LCORL: variants seen among roughly 807,000 people sequenced by gnomAD.
The protein encoded by LCORL is ligand-dependent nuclear receptor corepressor-like protein.
LCORL carries 41 observed loss-of-function variants against 141.8 expected under a neutral mutation model. That is an observed-to-expected ratio of 0.29 (90% CI 0.23 to 0.38). The LOEUF (loss-of-function observed/expected upper bound fraction) is 0.38, where lower values mean the gene tolerates loss of function less well. Ranked by LOEUF, LCORL falls within the 10% of genes least tolerant of loss-of-function variation. The pLI is 1.00. For synonymous variants in LCORL, 618 were observed against 694.1 expected (o/e 0.89, Z 1.72); for missense variants, 1,759 against 2,035.0 (o/e 0.86, Z 2.61).
rs112331088 is a variant in LCORL, at chr4:17,943,956, T to C, written c.430+17947A>G. Among the ~76,000 whole-genome samples, 1,291 of 152,300 alleles carry C rather than the reference T, an allele frequency of 8.5e-3. 17 individuals carry two copies. Among genetic ancestry groups the C allele is most frequent in the African/African-American group, 0.029 (1,202 of 41,568 alleles). The stretch of plus-strand genomic sequence containing the variant: ...TTTTAGTGAAAGCCATGTCCTACCA[T>C]AGCTTAATGAAGCTACCCACCCTAG... On this transcript the variant is annotated intron_variant, in intron 4 of 7. Transcript: ENST00000635767.
intron 6 of LCORL, among the ~76,000 whole-genome samples, chr4:17,878,545 TGAA>T (rs1279736818): frequency 6.6e-6 from 1 of 151,450 alleles, no homozygotes; most frequent in Admixed American, 6.6e-5. Flanking sequence ...TAAATTTTTA[TGAA>T]GTAGCCATTT....
intron 5 of LCORL, among the ~76,000 whole-genome samples, chr4:17,901,623 G>GT (rs1463282331): frequency 6.6e-6 from 1 of 152,094 alleles, no homozygotes; most frequent in Non-Finnish European, 1.5e-5. Flanking sequence ...CAATATAGCT[G>GT]TAAGTGTCAG....
At chr4:17,976,281 T>G (rs1282968033) in intron 1 of LCORL, among the ~76,000 whole-genome samples, 1 of 152,186 alleles carries the variant, frequency 6.6e-6, no homozygotes, top group Non-Finnish European at 1.5e-5. Flanking sequence ...ATAGTTGGAT[T>G]TATATCTACC....
At chr4:17,948,111 A>T (rs1739166533) in intron 4 of LCORL, among the ~76,000 whole-genome samples, 1 of 152,008 alleles carries the variant, frequency 6.6e-6, no homozygotes, top group Admixed American at 6.6e-5. Context: ...GAAAGTGATA[A>T]ATATGTGGAG....
chr4:17,999,185 T>C (rs1721500345), intron 1 of LCORL, among the ~76,000 whole-genome samples: 1 of 630 alleles, frequency 1.6e-3, no homozygotes, highest in South Asian at 0.12. Flanking sequence ...ACCATTAGGA[T>C]GTCTAAGCCT....
chr4:17,864,076 T>C (rs1332873127), intron 7 of LCORL, among the ~76,000 whole-genome samples: 1 of 151,976 alleles, frequency 6.6e-6, no homozygotes, highest in Non-Finnish European at 1.5e-5. Context: ...GATGAAATAA[T>C]CTATACAACA....
At position 17,998,985 on chromosome 4, in the gene LCORL, A is replaced by AAATAT. The variant is rs1374815646; in HGVS notation, c.154+22612_154+22613insATATT. Among the ~76,000 whole-genome samples the AAATAT allele has an allele frequency of 4.6e-3, 268 of 57,898 alleles. 4 individuals carry two copies. The highest frequency in any genetic ancestry group is 6.6e-3 in the Non-Finnish European group (199 of 30,190). The allele number at this position is 57,898 out of a possible 152,430, so 38.0% of individuals were successfully genotyped here. A position where few individuals can be genotyped will look rare whatever the true frequency, so the allele number is the denominator to read the frequency against. ...GTCTCAAAAAAAAAAAAAAAAAAAA[A>AAATAT]ATATATATATATATATATACACACA... is the stretch of plus-strand genomic sequence containing the variant. On this transcript the variant is annotated intron_variant, in intron 1 of 7. Transcript: ENST00000635767.
At chr4:17,993,633 A>T (rs1033925896) in intron 1 of LCORL, among the ~76,000 whole-genome samples, 5 of 152,246 alleles carry the variant, frequency 3.3e-5, no homozygotes, top group Non-Finnish European at 7.3e-5. Context: ...GAGCCTAGTT[A>T]TGTTTTGCCA....
At chr4:17,847,515 A>G (rs1400391745) in intron 7 of LCORL, among the ~76,000 whole-genome samples, 1 of 152,254 alleles carries the variant, frequency 6.6e-6, no homozygotes, top group East Asian at 1.9e-4. Context: ...AATAGATACT[A>G]GACAAAATGA....
intron 4 of LCORL, among the ~76,000 whole-genome samples, chr4:17,942,879 G>GC (rs113155881): frequency 0.24 from 36,088 of 152,038 alleles, 5,466 homozygotes; most frequent in African/African-American, 0.43. Flanking sequence ...TACCGCCTGA[G>GC]TTTGCCTCCT....
At chr4:17,893,648 T>C (rs1490937766) in intron 5 of LCORL, 1 of 950,464 alleles carries the variant, frequency 1.1e-6, no homozygotes, top group Middle Eastern at 5.4e-4. Context: ...CTAGTTTTGC[T>C]ACAGTAGGTA....
intron 1 of LCORL, among the ~76,000 whole-genome samples, chr4:17,977,959 A>G (rs1344187075): frequency 1.3e-5 from 2 of 151,928 alleles, no homozygotes; most frequent in Non-Finnish European, 2.9e-5. Context: ...TTGTTTCTGT[A>G]TTGGTATCTA....
chr4:17,923,570 C>T (rs919273948), intron 4 of LCORL, among the ~76,000 whole-genome samples: 1 of 152,050 alleles, frequency 6.6e-6, no homozygotes, highest in African/African-American at 2.4e-5. Context: ...CGCTCGAACC[C>T]GGGAGGCGGA....
chr4:17,962,897 A>C, intron 3 of LCORL, 73 bp downstream of exon 3: 2 of 783,736 alleles, frequency 2.6e-6, no homozygotes, highest in Middle Eastern at 4.1e-4. Flanking sequence ...TTTCAAAACA[A>C]ATTAAGATAA....
At chr4:18,016,924 T>C (rs1724731753) in intron 1 of LCORL, among the ~76,000 whole-genome samples, 1 of 152,242 alleles carries the variant, frequency 6.6e-6, no homozygotes, top group Non-Finnish European at 1.5e-5. Context: ...AAATCAGGTT[T>C]AAAAACAGTC....
In LCORL at chr4:18,021,792, C is replaced by A. The variant is rs1340418665; in HGVS notation, c.-41G>T. 3 of 1,444,344 alleles carry A rather than the reference C, an allele frequency of 2.1e-6. No individual in the cohort carries two copies. The highest frequency in any genetic ancestry group is 3.0e-5 in the African/African-American group (2 of 66,976). The allele number at this position is 1,444,344 out of a possible 1,614,324, so 89.5% of individuals were successfully genotyped here. A position where few individuals can be genotyped will look rare whatever the true frequency, so the allele number is the denominator to read the frequency against. On this transcript the variant is annotated 5_prime_UTR_variant, in exon 1 of 8. Transcript: ENST00000635767. The surrounding 1 kb of genome is among the most constrained non-coding windows in gnomAD (Gnocchi z 5.5). ...CGCGCCCTCATTTACATACGAGCAG[C>A]GCAGGCACGAGGCAGGGGCGCGAGC...
chr4:17,908,800 T>G (rs933658944), intron 5 of LCORL, among the ~76,000 whole-genome samples: 1 of 152,158 alleles, frequency 6.6e-6, no homozygotes, highest in African/African-American at 2.4e-5. Context: ...AAATAATTAT[T>G]TCTTATAAAA....
intron 4 of LCORL, among the ~76,000 whole-genome samples, chr4:17,942,833 T>C (rs942533243): frequency 3.3e-5 from 5 of 152,110 alleles, no homozygotes; most frequent in Non-Finnish European, 5.9e-5. Flanking sequence ...GGAACTGGGC[T>C]GCATAGCAGG....
intron 2 of LCORL, among the ~76,000 whole-genome samples, chr4:17,971,516 C>T (rs926353586): frequency 6.7e-6 from 1 of 149,330 alleles, no homozygotes; most frequent in Non-Finnish European, 1.5e-5. Context: ...ATACAGAATA[C>T]ATCTTTTGCA....
Sources: gnomAD v4.1 joint callset for allele counts (sites outside exome capture counted in the v4.1 genomes callset) on GRCh38, gnomAD v4.1.1 for gene constraint, Gnocchi (gnomAD v3.1) non-coding constraint, MANE v1.5 for transcripts, NCBI Gene and HGNC (gene_info 2026-07-23, HGNC 2026-07-21) for gene names.